ASAP1: variants seen among roughly 807,000 people sequenced by gnomAD.
ASAP1 encodes the protein ArfGAP with SH3 domain, ankyrin repeat and PH domain 1.
ASAP1 carries 43 observed loss-of-function variants against 145.2 expected under a neutral mutation model. The ratio of observed to expected loss-of-function variants is 0.30; its 90% CI spans 0.23 to 0.38. ASAP1 has a LOEUF of 0.38. Ranked by LOEUF, ASAP1 falls within the 10% of genes least tolerant of loss-of-function variation. ASAP1 has a pLI of 1.00. For synonymous variants in ASAP1, 546 were observed against 515.5 expected (o/e 1.06, Z -0.80); for missense variants, 1,018 against 1,355.3 (o/e 0.75, Z 3.91).
intron 25 of ASAP1, among the ~76,000 whole-genome samples, chr8:130,090,818 T>C (rs2097503954): frequency 6.6e-6 from 1 of 152,110 alleles, no homozygotes; most frequent in African/African-American, 2.4e-5. Context: ...ACCCGGGGTG[T>C]CTGGGCCAGA....
chr8:130,335,249 T>C (rs1423105272), intron 3 of ASAP1, among the ~76,000 whole-genome samples: 1 of 152,218 alleles, frequency 6.6e-6, no homozygotes, highest in Non-Finnish European at 1.5e-5. Flanking sequence ...GACCATTAAT[T>C]GGATGCCGAT....
chr8:130,248,168 C>T (rs1818966719), intron 3 of ASAP1, among the ~76,000 whole-genome samples: 2 of 151,954 alleles, frequency 1.3e-5, no homozygotes, highest in Admixed American at 1.3e-4. Context: ...TAACTCTGGC[C>T]CATTGAGAGG....
rs559519273 is a variant in ASAP1, at chr8:130,150,737, G to A, written c.1080+1999C>T. Reference sequence around the variant, plus strand: ...CTACAAAAAAATACCAAAATTAGCTGGGCGTGGTGAAGTGTGCCTGCATTC... The same window carrying A: ...CTACAAAAAAATACCAAAATTAGCTAGGCGTGGTGAAGTGTGCCTGCATTC... On this transcript the variant is annotated intron_variant, in intron 13 of 29. Coordinates refer to ENST00000518721, the MANE Select transcript of ASAP1 (RefSeq NM_018482.4). Among the ~76,000 whole-genome samples the A allele has an allele frequency of 2.0e-5, 3 of 152,224 alleles. No individual in the cohort carries two copies. In the South Asian group the frequency reaches 6.2e-4, roughly 32 times the overall value.
intron 2 of ASAP1, among the ~76,000 whole-genome samples, chr8:130,394,401 C>CA (rs1323532609): frequency 3.9e-5 from 6 of 152,126 alleles, no homozygotes. Flanking sequence ...CTTATTAGGA[C>CA]AGGAAATTCC....
At chr8:130,086,805 A>C in intron 25 of ASAP1, among the ~76,000 whole-genome samples, 1 of 152,224 alleles carries the variant, frequency 6.6e-6, no homozygotes, top group East Asian at 1.9e-4. Flanking sequence ...CCCTGCCTCA[A>C]AAACAAAGAA....
At chr8:130,197,014 C>A (rs1815540450) in intron 5 of ASAP1, among the ~76,000 whole-genome samples, 2 of 152,188 alleles carry the variant, frequency 1.3e-5, no homozygotes, top group Non-Finnish European at 2.9e-5. Context: ...GCAAAGAATC[C>A]CAGAGGCATG....
At chr8:130,209,642 C>T (rs927822290) in intron 5 of ASAP1, among the ~76,000 whole-genome samples, 13 of 152,008 alleles carry the variant, frequency 8.6e-5, no homozygotes, top group Admixed American at 8.5e-4. Context: ...CCCTCAAATG[C>T]ATCTTTTCAA....
At chr8:130,105,979 G>C (rs1412225411) in intron 24 of ASAP1, among the ~76,000 whole-genome samples, 2 of 152,176 alleles carry the variant, frequency 1.3e-5, no homozygotes, top group African/African-American at 4.8e-5. Flanking sequence ...ATCCACCCCT[G>C]AATGCCAGAG....
chr8:130,255,126 A>C (rs1174557418), intron 3 of ASAP1, among the ~76,000 whole-genome samples: 3 of 152,178 alleles, frequency 2.0e-5, no homozygotes, highest in African/African-American at 7.2e-5. Flanking sequence ...CATAATCTTA[A>C]AGATATTTAT....
chr8:130,419,557 C>T (rs1160546331), intron 1 of ASAP1, among the ~76,000 whole-genome samples: 1 of 152,202 alleles, frequency 6.6e-6, no homozygotes, highest in African/African-American at 2.4e-5. Flanking sequence ...GAAAAGGAAG[C>T]TGCGCAGCCA....
intron 9 of ASAP1, among the ~76,000 whole-genome samples, chr8:130,170,726 G>A (rs896776192): frequency 1.3e-5 from 2 of 151,476 alleles, no homozygotes; most frequent in African/African-American, 4.9e-5. Flanking sequence ...CACATGTAAA[G>A]CCTCATCTCT....
chr8:130,320,263 G>A (rs779954017), intron 3 of ASAP1, among the ~76,000 whole-genome samples: 35 of 152,132 alleles, frequency 2.3e-4, no homozygotes, highest in Non-Finnish European at 4.3e-4. Context: ...AAGATCATAA[G>A]AAATACAGAG....
At chr8:130,384,094 A>G (rs2138417306) in intron 2 of ASAP1, among the ~76,000 whole-genome samples, 1 of 152,320 alleles carries the variant, frequency 6.6e-6, no homozygotes, top group South Asian at 2.1e-4. Context: ...TGCTACTGAG[A>G]TGGCAAGTCA....
intron 27 of ASAP1, among the ~76,000 whole-genome samples, chr8:130,074,978 G>A (rs1365794765): frequency 6.6e-6 from 1 of 152,198 alleles, no homozygotes; most frequent in Non-Finnish European, 1.5e-5. Flanking sequence ...GCCATGCTGC[G>A]AGGGAAGGGA....
intron 13 of ASAP1, 109 bp from the exon 14 acceptor site, chr8:130,137,147 C>CA: frequency 3.5e-6 from 3 of 859,368 alleles, no homozygotes; most frequent in Non-Finnish European, 5.9e-6. Flanking sequence ...CTCAGTGGTA[C>CA]AAAAATACAT....
intron 2 of ASAP1, among the ~76,000 whole-genome samples, chr8:130,389,853 A>C (rs1044851238): frequency 6.6e-6 from 1 of 152,150 alleles, no homozygotes; most frequent in African/African-American, 2.4e-5. Flanking sequence ...GGTGTGTGCT[A>C]CTATGCCCAG....
intron 24 of ASAP1, among the ~76,000 whole-genome samples, chr8:130,093,483 A>G (rs1368232166): frequency 6.6e-6 from 1 of 152,096 alleles, no homozygotes; most frequent in Non-Finnish European, 1.5e-5. Context: ...CCTGGCCAAC[A>G]TGGTGAAACT....
chr8:130,103,569 T>C (rs2097532360), intron 24 of ASAP1, among the ~76,000 whole-genome samples: 1 of 152,218 alleles, frequency 6.6e-6, no homozygotes, highest in South Asian at 2.1e-4. Context: ...AGTGACGCGA[T>C]CTCGGCTCAC....
At position 130,060,561 on chromosome 8, in the gene ASAP1, G is replaced by A. The variant is rs2097416918; in HGVS notation, c.3192+18C>T. The A allele has an allele frequency of 6.3e-7, 1 of 1,591,196 alleles. No homozygotes were observed. The highest frequency in any genetic ancestry group is 1.4e-5 in the African/African-American group (1 of 73,738). On this transcript the variant is annotated intron_variant, in intron 28 of 29. Transcript: ENST00000518721. ...TGCGGAATAGGGTTCCTAAGGGCCT[G>A]AACATTGTCCCACCCACCGTATTGA...
Sources: gnomAD v4.1 joint callset for allele counts (sites outside exome capture counted in the v4.1 genomes callset) on GRCh38, gnomAD v4.1.1 for gene constraint, MANE v1.5 for transcripts, NCBI Gene and HGNC (gene_info 2026-07-23, HGNC 2026-07-21) for gene names.